ANAPC10: variants seen among roughly 807,000 people sequenced by gnomAD.
The protein encoded by ANAPC10 is anaphase promoting complex subunit 10, also known as anaphase-promoting complex subunit 10.
In ANAPC10, 12 loss-of-function variants were observed where a neutral mutation model predicts 22.0. The observed-to-expected ratio is 0.55, with a 90% CI of 0.35 to 0.88. ANAPC10 has a LOEUF of 0.88. Among genes scored for constraint, ANAPC10 ranks in the 40% least tolerant of loss-of-function variants. The pLI is 0.01. For synonymous variants in ANAPC10, 65 were observed against 69.5 expected (o/e 0.94, Z 0.32); for missense variants, 188 against 220.9 (o/e 0.85, Z 0.94).
intron 3 of ANAPC10, among the ~76,000 whole-genome samples, chr4:145,070,850 G>T (rs576459741): frequency 2.6e-5 from 4 of 152,242 alleles, no homozygotes; most frequent in Admixed American, 6.5e-5. Context: ...CAACATGAAT[G>T]AACCTTGAAA....
At chr4:145,026,945 A>ATATATATATATATATATATATGTGTGTG (rs1287102797) in intron 4 of ANAPC10, among the ~76,000 whole-genome samples, 11 of 17,152 alleles carry the variant, frequency 6.4e-4, no homozygotes, top group Admixed American at 1.2e-3. Flanking sequence ...ATATATATAT[A>ATATATATATATATATATATATGTGTGTG]TGTGTGTGTG....
chr4:145,032,640 G>A (rs979691262), intron 4 of ANAPC10, among the ~76,000 whole-genome samples: 3 of 152,198 alleles, frequency 2.0e-5, no homozygotes, highest in African/African-American at 7.2e-5. Flanking sequence ...CATGGTAGCA[G>A]GAATGGAGGT....
chr4:145,058,945 C>T (rs552971847), intron 4 of ANAPC10, among the ~76,000 whole-genome samples: 16 of 152,234 alleles, frequency 1.1e-4, no homozygotes, highest in African/African-American at 3.8e-4. Flanking sequence ...TCTACAATGA[C>T]TTCAAAGATG....
At chr4:145,095,819 G>A (rs1748422946) in intron 2 of ANAPC10, among the ~76,000 whole-genome samples, 166 bp downstream of exon 2, 1 of 152,088 alleles carries the variant, frequency 6.6e-6, no homozygotes. Context: ...AGGTATTTAT[G>A]TATAGGAAAA....
chr4:145,093,482 T>C (rs1319291841), intron 2 of ANAPC10, among the ~76,000 whole-genome samples: 1 of 150,698 alleles, frequency 6.6e-6, no homozygotes, highest in Non-Finnish European at 1.5e-5. Context: ...AGAATTATCA[T>C]AAACAGAAAC....
At chr4:145,069,928 G>A (rs1466078492) in intron 3 of ANAPC10, among the ~76,000 whole-genome samples, 1 of 152,132 alleles carries the variant, frequency 6.6e-6, no homozygotes, top group Non-Finnish European at 1.5e-5. Flanking sequence ...TTTGGGAAGA[G>A]ACAGTTATTT....
At chr4:145,081,580 C>A in intron 3 of ANAPC10, 80 bp downstream of exon 3, 1 of 911,700 alleles carries the variant, frequency 1.1e-6, no homozygotes, top group Non-Finnish European at 1.7e-6. Flanking sequence ...TAATTTCTAT[C>A]TTTAATTTTT....
chr4:145,015,475 C>A (rs1234235051), intron 4 of ANAPC10, among the ~76,000 whole-genome samples: 1 of 151,742 alleles, frequency 6.6e-6, no homozygotes, highest in East Asian at 1.9e-4. Context: ...AATCGGTGTT[C>A]CTGAAGAAGA....
chr4:145,009,952 C>T (rs756506618), intron 4 of ANAPC10, among the ~76,000 whole-genome samples: 1 of 152,060 alleles, frequency 6.6e-6, no homozygotes, highest in East Asian at 1.9e-4. Context: ...CCAGAATCTA[C>T]AAAGAACTTA....
At chr4:145,086,862 C>T (rs1308436314) in intron 2 of ANAPC10, among the ~76,000 whole-genome samples, 8 of 151,608 alleles carry the variant, frequency 5.3e-5, no homozygotes. Flanking sequence ...AGAGCAACTG[C>T]CCTAAAGAAA....
At chr4:145,085,677 C>T (rs1746781735) in intron 2 of ANAPC10, among the ~76,000 whole-genome samples, 1 of 152,026 alleles carries the variant, frequency 6.6e-6, no homozygotes, top group South Asian at 2.1e-4. Flanking sequence ...TACAACTAAG[C>T]AGGTCTAATA....
At chr4:145,027,789 A>G (rs527533532) in intron 4 of ANAPC10, among the ~76,000 whole-genome samples, 5 of 152,334 alleles carry the variant, frequency 3.3e-5, no homozygotes, top group Non-Finnish European at 5.9e-5. Context: ...GGTGAGATTA[A>G]AATAAAGTTT....
intron 4 of ANAPC10, among the ~76,000 whole-genome samples, chr4:145,054,640 T>TGTGTGCGC (rs1353005943): frequency 5.5e-5 from 5 of 90,276 alleles, no homozygotes; most frequent in African/African-American, 2.0e-4. Flanking sequence ...TGTGTGTGTG[T>TGTGTGCGC]GCGCGCGCGC....
At chr4:145,052,997 A>G (rs1490111192) in intron 4 of ANAPC10, among the ~76,000 whole-genome samples, 1 of 152,144 alleles carries the variant, frequency 6.6e-6, no homozygotes, top group Non-Finnish European at 1.5e-5. Context: ...CCAGTGTACT[A>G]TAAATACTAT....
chr4:145,018,824 A>G (rs1004124367), intron 4 of ANAPC10, among the ~76,000 whole-genome samples: 2 of 152,220 alleles, frequency 1.3e-5, no homozygotes, highest in African/African-American at 2.4e-5. Flanking sequence ...AACAAACGTT[A>G]AAGCAATGGC....
intron 4 of ANAPC10, among the ~76,000 whole-genome samples, chr4:145,031,645 C>T (rs535748127): frequency 2.9e-4 from 44 of 152,298 alleles, no homozygotes; most frequent in Non-Finnish European, 5.3e-4. Flanking sequence ...TGCTCTGCCA[C>T]TTGGGCCATA....
intron 3 of ANAPC10, among the ~76,000 whole-genome samples, chr4:145,077,920 C>T (rs983470375): frequency 6.6e-5 from 10 of 151,918 alleles, no homozygotes; most frequent in Admixed American, 3.9e-4. Flanking sequence ...AACATCATAC[C>T]GAGCAAAAAC....
At chr4:145,095,299 G>A (rs1010239522) in intron 2 of ANAPC10, among the ~76,000 whole-genome samples, 1 of 152,170 alleles carries the variant, frequency 6.6e-6, no homozygotes, top group Non-Finnish European at 1.5e-5. Context: ...GTTTTAAACT[G>A]TGTACTGTCT....
rs190109744 is a variant in ANAPC10, at chr4:145,005,323, T to C, written c.328-9720A>G. Among the ~76,000 whole-genome samples the C allele has an allele frequency of 5.0e-3, 764 of 152,338 alleles. 6 individuals carry two copies. Among genetic ancestry groups the C allele is most frequent in the South Asian group, 0.033 (157 of 4,828 alleles). ...TGTGGGGTCAGTGGTTACATCCCTC[T>C]TGTCATTTCTGACTGTATTTTGGAT... is the stretch of plus-strand genomic sequence containing the variant. On this transcript the variant is annotated intron_variant, in intron 4 of 4. Coordinates refer to ENST00000507656, the MANE Select transcript of ANAPC10 (RefSeq NM_001256706.2).
Sources: allele counts gnomAD v4.1 joint callset (sites outside exome capture counted in the v4.1 genomes callset), GRCh38; gene constraint gnomAD v4.1.1; transcripts MANE v1.5; gene names NCBI Gene and HGNC (gene_info 2026-07-23, HGNC 2026-07-21).